AKAP13: variants seen among roughly 807,000 people sequenced by gnomAD.
The protein encoded by AKAP13 is A-kinase anchoring protein 13.
AKAP13 carries 80 observed loss-of-function variants against 264.5 expected under a neutral mutation model. The ratio of observed to expected loss-of-function variants is 0.30; its 90% confidence interval spans 0.25 to 0.36. AKAP13 has a LOEUF of 0.36. Among genes scored for constraint, AKAP13 ranks in the 10% least tolerant of loss-of-function variants. The pLI is 1.00. For missense variants in AKAP13, 3,712 were observed against 3,435.2 expected, an observed-to-expected ratio of 1.08 and a Z score of -2.01; for synonymous variants, 1,380 against 1,250.2, an observed-to-expected ratio of 1.10 and a Z score of -2.19.
In AKAP13 at chr15:85,582,219, C is replaced by T. The variant is rs2079155291; in HGVS notation, c.4039+112C>T. 8.2e-6 allele frequency: 10 copies of T among 1,216,878 alleles called. No individual in the cohort carries two copies. In the South Asian group the frequency reaches 1.3e-4, roughly 16 times the overall value. The allele number at this position is 1,216,878 out of a possible 1,614,324, so 75.4% of individuals were successfully genotyped here. A position where few individuals can be genotyped will look rare whatever the true frequency, so the allele number is the denominator to read the frequency against. On this transcript the variant is annotated intron_variant, in intron 7 of 36. Transcript: ENST00000394518. ...CTTTGTTGTTTTGAGGCCTTGCACT[C>T]ATTGGGTAGGTAGCCAAGTTAATAG...
intron 19 of AKAP13, among the ~76,000 whole-genome samples, chr15:85,711,230 A>G (rs894449618): frequency 2.0e-5 from 3 of 151,314 alleles, no homozygotes; most frequent in Admixed American, 6.6e-5. Context: ...CTTTTTTTTT[A>G]TTATTTCTAA....
chr15:85,486,492 A>G (rs1275997189), intron 2 of AKAP13, among the ~76,000 whole-genome samples: 1 of 152,020 alleles, frequency 6.6e-6, no homozygotes, highest in Non-Finnish European at 1.5e-5. Flanking sequence ...TTCCAGCACC[A>G]TTTGTTGAAA....
intron 17 of AKAP13, among the ~76,000 whole-genome samples, chr15:85,696,399 T>A (rs924174363): frequency 1.3e-5 from 2 of 152,234 alleles, no homozygotes; most frequent in African/African-American, 4.8e-5. Context: ...ACATATAAAG[T>A]GAGGCTGCCT....
chr15:85,584,949 C>T lies in AKAP13; in HGVS notation c.4040-753C>T, dbSNP rs536736828. On this transcript the variant is annotated intron_variant, in intron 7 of 36. Transcript: ENST00000394518. ...AAGAAGTGTCAGAAGCCTAAATTTG[C>T]CTCAGACATCATTTATCATTTCCTT... 1.1e-4 allele frequency among the ~76,000 whole-genome samples: 17 copies of T among 152,256 alleles called. No homozygotes were observed. In the South Asian group the frequency reaches 2.9e-3, roughly 26 times the overall value.
At chr15:85,406,849 G>A (rs2071692600) in intron 1 of AKAP13, among the ~76,000 whole-genome samples, 1 of 151,502 alleles carries the variant, frequency 6.6e-6, no homozygotes, top group African/African-American at 2.4e-5. Flanking sequence ...GGTTTCTAGG[G>A]GTAGTTCTAT....
intron 1 of AKAP13, among the ~76,000 whole-genome samples, chr15:85,443,033 A>G (rs2073765665): frequency 6.6e-6 from 1 of 152,128 alleles, no homozygotes; most frequent in South Asian, 2.1e-4. Context: ...CTCAGCTAGT[A>G]TGTGGTAGGT....
chr15:85,655,277 TA>T, intron 10 of AKAP13, 139 bp from the exon 11 acceptor site: 3 of 1,002,204 alleles, frequency 3.0e-6, no homozygotes, highest in Non-Finnish European at 4.3e-6. Flanking sequence ...ATCATCCTAT[TA>T]AAAAAACAAG....
intron 2 of AKAP13, among the ~76,000 whole-genome samples, chr15:85,486,736 G>GTT (rs2075561093): frequency 2.1e-5 from 2 of 93,904 alleles, no homozygotes; most frequent in Non-Finnish European, 4.5e-5. Context: ...TAATTGTTCA[G>GTT]TTCTTTTTTT....
chr15:85,697,331 G>T (rs2085621411), intron 17 of AKAP13, among the ~76,000 whole-genome samples: 1 of 152,212 alleles, frequency 6.6e-6, no homozygotes, highest in Non-Finnish European at 1.5e-5. Flanking sequence ...AGCACTTTGG[G>T]AGGCTGAGGT....
chr15:85,621,973 A>G (rs1339441460), intron 8 of AKAP13, among the ~76,000 whole-genome samples: 2 of 152,194 alleles, frequency 1.3e-5, no homozygotes, highest in East Asian at 3.9e-4. Flanking sequence ...TAGTAAATAA[A>G]CACTAGGAGT....
intron 2 of AKAP13, among the ~76,000 whole-genome samples, chr15:85,507,780 G>GT (rs2151110951): frequency 6.6e-6 from 1 of 152,348 alleles, no homozygotes; most frequent in African/African-American, 2.4e-5. Context: ...GCAGCGGCAA[G>GT]TGGGAGTAGG....
At chr15:85,737,905 C>G (rs1174089835) in intron 33 of AKAP13, among the ~76,000 whole-genome samples, 1 of 152,068 alleles carries the variant, frequency 6.6e-6, no homozygotes, top group African/African-American at 2.4e-5. Flanking sequence ...TCCCAAAGTG[C>G]TGGGGTTACA....
intron 1 of AKAP13, among the ~76,000 whole-genome samples, chr15:85,384,094 A>G (rs1372147128): frequency 6.6e-6 from 1 of 152,234 alleles, no homozygotes; most frequent in Non-Finnish European, 1.5e-5. Context: ...ATTTTATTCC[A>G]TCTTTCCATT....
chr15:85,641,618 T>C (rs930144845), intron 9 of AKAP13, among the ~76,000 whole-genome samples: 52 of 151,594 alleles, frequency 3.4e-4, no homozygotes, highest in African/African-American at 1.2e-3. Flanking sequence ...TCTGAGTAGC[T>C]GGGACTACAG....
intron 29 of AKAP13, among the ~76,000 whole-genome samples, chr15:85,730,192 A>G (rs1254447421): frequency 1.3e-5 from 2 of 152,234 alleles, no homozygotes; most frequent in African/African-American, 4.8e-5. Flanking sequence ...TTGAGCTGGG[A>G]AAGCAGTTGC....
intron 1 of AKAP13, among the ~76,000 whole-genome samples, chr15:85,391,308 A>G (rs1377165168): frequency 6.6e-6 from 1 of 152,162 alleles, no homozygotes; most frequent in Non-Finnish European, 1.5e-5. Context: ...CTGTAAGGAT[A>G]TTGGTGATAG....
At chr15:85,504,881 T>C (rs2076162497) in intron 2 of AKAP13, among the ~76,000 whole-genome samples, 1 of 151,804 alleles carries the variant, frequency 6.6e-6, no homozygotes, top group African/African-American at 2.4e-5. Flanking sequence ...CTCTCTCTCT[T>C]GCTCTCTCGC....
rs77479901 is a variant in AKAP13 at position 85,631,171 on chromosome 15, C to T, written c.4162-8203C>T. Among the ~76,000 whole-genome samples, 53 of 152,244 alleles carry T rather than the reference C, an allele frequency of 3.5e-4. 1 individual carries two copies. Among genetic ancestry groups the T allele is most frequent in the African/African-American group, 1.3e-3 (52 of 41,542 alleles). On this transcript the variant is annotated intron_variant, in intron 8 of 36. Coordinates refer to ENST00000394518, the MANE Select transcript of AKAP13 (RefSeq NM_007200.5). The stretch of plus-strand genomic sequence containing the variant: ...CATTTTGCTAAGTGAAAGAACCCAG[C>T]ATGAAAGACCAAATAATGTGTGACT...
At chr15:85,401,750 C>G (rs1021046784) in intron 1 of AKAP13, among the ~76,000 whole-genome samples, 3 of 152,176 alleles carry the variant, frequency 2.0e-5, no homozygotes, top group Admixed American at 6.5e-5. Flanking sequence ...TCTTAGGGAT[C>G]TGGGATAAAC....
Sources: gnomAD v4.1 joint callset for allele counts (sites outside exome capture counted in the v4.1 genomes callset) on GRCh38, gnomAD v4.1.1 for gene constraint, MANE v1.5 for transcripts, NCBI Gene and HGNC (gene_info 2026-07-23, HGNC 2026-07-21) for gene names.